CSMD1: variants seen among roughly 807,000 people sequenced by gnomAD.
CSMD1 encodes the protein CUB and sushi domain-containing protein 1.
In CSMD1, 213 loss-of-function variants were observed where a neutral mutation model predicts 417.5. That is an observed-to-expected ratio of 0.51 (90% CI 0.46 to 0.57). The LOEUF is 0.57. Among genes scored for constraint, CSMD1 ranks in the 20% least tolerant of loss-of-function variants. CSMD1 has a pLI of 0.00. For synonymous variants in CSMD1, 2,862 were observed against 1,736.8 expected (o/e 1.65, Z -16.11); for missense variants, 6,923 against 4,529.7 (o/e 1.53, Z -15.17).
intron 3 of CSMD1, among the ~76,000 whole-genome samples, chr8:4,253,907 CTTTTTTTTT>C (rs147795407): frequency 6.2e-5 from 5 of 80,980 alleles, no homozygotes; most frequent in Admixed American, 1.7e-4. Flanking sequence ...TTCCTTCCAT[CTTTTTTTTT>C]TTTTTTTTTT....
At chr8:4,554,444 G>A (rs904652074) in intron 2 of CSMD1, among the ~76,000 whole-genome samples, 7 of 152,162 alleles carry the variant, frequency 4.6e-5, no homozygotes, top group African/African-American at 1.7e-4. Context: ...CCCAGACACA[G>A]TCACTTTTTA....
rs74905657 is a variant in CSMD1, at chr8:3,318,417, T to G, written c.3632-9914A>C. Among the ~76,000 whole-genome samples, 4 of 152,288 alleles carry G rather than the reference T, an allele frequency of 2.6e-5. No individual in the cohort carries two copies. The East Asian group carries it at 7.7e-4, about 30-fold the overall frequency. On this transcript the variant is annotated intron_variant, in intron 23 of 69. Transcript: ENST00000635120. ...GAAGTGCCTGCTCGGCTTCAGATAT[T>G]TTGCTAGACGCCGAAGATACAAAAT... is the stretch of plus-strand genomic sequence containing the variant.
At chr8:3,876,063 T>G (rs1457737480) in intron 5 of CSMD1, among the ~76,000 whole-genome samples, 7 of 152,214 alleles carry the variant, frequency 4.6e-5, no homozygotes, top group Admixed American at 3.3e-4. Flanking sequence ...ATTACCTATT[T>G]TGAAATATAC....
At chr8:3,500,740 G>C (rs1370907514) in intron 10 of CSMD1, among the ~76,000 whole-genome samples, 2 of 152,140 alleles carry the variant, frequency 1.3e-5, no homozygotes, top group Non-Finnish European at 1.5e-5. Flanking sequence ...GGCTTGACTG[G>C]ATGGAGGACA....
At chr8:3,499,765 C>A (rs7013205) in intron 10 of CSMD1, among the ~76,000 whole-genome samples, 98,409 of 151,660 alleles carry the variant, frequency 0.65, 32,075 homozygotes, top group South Asian at 0.71. Flanking sequence ...GTCCTGCATC[C>A]TTCTCCTTGG....
At chr8:4,827,222 A>C (rs959259795) in intron 1 of CSMD1, among the ~76,000 whole-genome samples, 1 of 152,106 alleles carries the variant, frequency 6.6e-6, no homozygotes, top group African/African-American at 2.4e-5. Flanking sequence ...TGCTTTTATT[A>C]TTTTTCACAG....
At chr8:3,687,886 C>T (rs1255674857) in intron 7 of CSMD1, among the ~76,000 whole-genome samples, 1 of 152,228 alleles carries the variant, frequency 6.6e-6, no homozygotes, top group Non-Finnish European at 1.5e-5. Context: ...GTACTGATGA[C>T]CTGGGGACAG....
In CSMD1 at chr8:3,708,498, G is replaced by C. The variant is rs185199387; in HGVS notation, c.932-7C>G. On this transcript the variant is annotated splice_polypyrimidine_tract_variant and splice_region_variant and intron_variant, in intron 6 of 69. Coordinates refer to ENST00000635120, the MANE Select transcript of CSMD1 (RefSeq NM_033225.6). ...AACTCAATCGCCTTTTTCACTGGAA[G>C]AAACAAAACCAAGCCATTAGCAGGT... 1 of 1,613,278 alleles carries C rather than the reference G, an allele frequency of 6.2e-7. No individual in the cohort carries two copies. Among genetic ancestry groups the C allele is most frequent in the Non-Finnish European group, 8.5e-7 (1 of 1,179,432 alleles).
At chr8:3,762,814 G>A (rs550229828) in intron 5 of CSMD1, among the ~76,000 whole-genome samples, 7 of 152,314 alleles carry the variant, frequency 4.6e-5, no homozygotes, top group Admixed American at 1.3e-4. Context: ...AGCCACCCAC[G>A]CAGCCGTGTG....
intron 1 of CSMD1, among the ~76,000 whole-genome samples, chr8:4,684,264 T>A (rs913320909): frequency 1.3e-5 from 2 of 152,348 alleles, no homozygotes; most frequent in East Asian, 3.9e-4. Flanking sequence ...TAAGTGTGCA[T>A]TGATTTTTAA....
chr8:4,379,056 G>A (rs892410758), intron 3 of CSMD1, among the ~76,000 whole-genome samples: 2 of 152,104 alleles, frequency 1.3e-5, no homozygotes, highest in East Asian at 3.9e-4. Context: ...GAAAAAAAAG[G>A]AATTTTATAG....
In CSMD1 at chr8:3,029,520, G is replaced by T; in HGVS notation, c.7661-7C>A. 1 of 1,582,566 alleles carries T rather than the reference G, an allele frequency of 6.3e-7. No individual in the cohort carries two copies. The highest frequency in any genetic ancestry group is 8.6e-7 in the Non-Finnish European group (1 of 1,163,782). ...ATGCTGGGGCAAGCGACCGCTGGAA[G>T]GGAAACGTACATCACATCATCATTT... On this transcript the variant is annotated splice_polypyrimidine_tract_variant and splice_region_variant and intron_variant, in intron 50 of 69. Coordinates refer to ENST00000635120, the MANE Select transcript of CSMD1 (RefSeq NM_033225.6).
chr8:3,444,921 AC>A (rs1815207265), intron 12 of CSMD1, among the ~76,000 whole-genome samples: 1 of 152,046 alleles, frequency 6.6e-6, no homozygotes, highest in South Asian at 2.1e-4. Context: ...CACGTCAGTC[AC>A]CCCGTCTCCT....
intron 3 of CSMD1, among the ~76,000 whole-genome samples, chr8:4,176,100 C>G (rs1226987849): frequency 6.6e-6 from 1 of 152,038 alleles, no homozygotes; most frequent in Non-Finnish European, 1.5e-5. Flanking sequence ...CTCCTGCTAC[C>G]TTCTTGTAGA....
chr8:4,512,643 G>A lies in CSMD1; in HGVS notation c.303-92578C>T, dbSNP rs547196276. Among the ~76,000 whole-genome samples, 105 of 151,886 alleles carry A rather than the reference G, an allele frequency of 6.9e-4. 3 individuals carry two copies. The South Asian group carries it at 0.022, about 31-fold the overall frequency. On this transcript the variant is annotated intron_variant, in intron 2 of 69. Coordinates refer to ENST00000635120, the MANE Select transcript of CSMD1 (RefSeq NM_033225.6). ...AAATAAATTGCTTTTTTATATACCGGCAATGAAATGGAATTCAAAATTAAA... is the reference window on the plus strand; with the variant it reads ...AAATAAATTGCTTTTTTATATACCGACAATGAAATGGAATTCAAAATTAAA...
intron 51 of CSMD1, among the ~76,000 whole-genome samples, chr8:3,024,987 T>C (rs559570032): frequency 3.7e-4 from 56 of 151,650 alleles, no homozygotes; most frequent in African/African-American, 1.2e-3. Flanking sequence ...ATTCTAAAAC[T>C]GTGTATTGTG....
chr8:4,724,607 A>C (rs142284684), intron 1 of CSMD1, among the ~76,000 whole-genome samples: 1 of 151,590 alleles, frequency 6.6e-6, no homozygotes, highest in East Asian at 1.9e-4. Flanking sequence ...TTGACATAAT[A>C]TATTATGTGA....
chr8:4,426,969 C>T (rs1044199214), intron 2 of CSMD1, among the ~76,000 whole-genome samples: 33 of 151,864 alleles, frequency 2.2e-4, no homozygotes, highest in African/African-American at 7.0e-4. Context: ...ATAAGACTGG[C>T]CTGGTCTAGG....
chr8:3,709,378 G>A (rs547006145), intron 6 of CSMD1, among the ~76,000 whole-genome samples: 1 of 152,146 alleles, frequency 6.6e-6, no homozygotes, highest in African/African-American at 2.4e-5. Flanking sequence ...ACCTAGGTAA[G>A]TTACTTGCCT....
Sources: gnomAD v4.1 joint callset for allele counts (sites outside exome capture counted in the v4.1 genomes callset) on GRCh38, gnomAD v4.1.1 for gene constraint, MANE v1.5 for transcripts, NCBI Gene and HGNC (gene_info 2026-07-23, HGNC 2026-07-21) for gene names.